The following GRIK2 variants were observed in gnomAD, a reference collection of about 807,000 sequenced individuals.
The protein encoded by GRIK2 is glutamate receptor ionotropic, kainate 2.
In GRIK2, 32 loss-of-function variants were observed where a neutral mutation model predicts 100.3. The observed-to-expected ratio is 0.32, with a 90% CI of 0.24 to 0.43. The LOEUF (loss-of-function observed/expected upper bound fraction) is 0.43. Among genes scored for constraint, GRIK2 ranks in the 20% least tolerant of loss-of-function variants. GRIK2 has a pLI of 1.00. For missense variants in GRIK2, 843 were observed against 1,114.9 expected, an observed-to-expected ratio of 0.76 and a Z score of 3.47; for synonymous variants, 417 against 389.4, an observed-to-expected ratio of 1.07 and a Z score of -0.83.
At chr6:101,791,854 AG>A (rs1390875759) in intron 7 of GRIK2, among the ~76,000 whole-genome samples, 1 of 151,518 alleles carries the variant, frequency 6.6e-6, no homozygotes, top group Admixed American at 6.6e-5. Context: ...GTCTCTTTTT[AG>A]GTCACTCAGG....
At chr6:101,836,661 A>T (rs13194520) in intron 10 of GRIK2, among the ~76,000 whole-genome samples, 34,837 of 59,004 alleles carry the variant, frequency 0.59, 13,176 homozygotes, top group Non-Finnish European at 0.74. Context: ...ATATATATAT[A>T]TTTTTTTTTT....
intron 7 of GRIK2, among the ~76,000 whole-genome samples, chr6:101,790,602 G>T (rs546190821): frequency 2.9e-4 from 41 of 141,176 alleles, no homozygotes; most frequent in South Asian, 1.2e-3. Flanking sequence ...TGCTGGATTC[G>T]GTTTGCCAGT....
At chr6:101,588,941 A>G (rs1778516184) in intron 2 of GRIK2, among the ~76,000 whole-genome samples, 1 of 152,158 alleles carries the variant, frequency 6.6e-6, no homozygotes, top group African/African-American at 2.4e-5. Context: ...AAATGGCACA[A>G]TGTAAGGTGG....
In GRIK2 at chr6:101,654,712, C is replaced by A. The variant is rs190964372; in HGVS notation, c.542-21911C>A. On this transcript the variant is annotated intron_variant, in intron 4 of 16. Coordinates refer to ENST00000369134, the MANE Select transcript of GRIK2 (RefSeq NM_021956.5). ...ACACTTCACCCGTGTCCCACCCACC[C>A]AAGATGTCAGGTACATCTCACAGCT... 2.2e-4 allele frequency among the ~76,000 whole-genome samples: 34 copies of A among 152,264 alleles called. No homozygotes were observed. The East Asian group carries it at 5.8e-3, about 26-fold the overall frequency.
rs1244055206 is a variant in GRIK2, at chr6:101,409,891, A to G, written c.115+10499A>G. ...TTGTATCTAACTTCTTAAACTGTGT[A>G]TATTTAAGAAAATCAGCTTTTCTAA... On this transcript the variant is annotated intron_variant, in intron 2 of 16. Coordinates refer to ENST00000369134, the MANE Select transcript of GRIK2 (RefSeq NM_021956.5). Among the ~76,000 whole-genome samples the G allele has an allele frequency of 3.3e-5, 5 of 152,084 alleles. No homozygotes were observed. The East Asian group carries it at 9.6e-4, about 29-fold the overall frequency.
At chr6:102,016,230 C>T (rs543452900) in intron 14 of GRIK2, among the ~76,000 whole-genome samples, 13 of 151,980 alleles carry the variant, frequency 8.6e-5, no homozygotes, top group Admixed American at 6.6e-4. Context: ...ACATTGAAAC[C>T]GAATATAAAG....
At chr6:102,005,225 CACAT>C (rs139978950) in intron 14 of GRIK2, among the ~76,000 whole-genome samples, 5,085 of 151,426 alleles carry the variant, frequency 0.034, 150 homozygotes, top group African/African-American at 0.07. Flanking sequence ...ACATAATACA[CACAT>C]ACAATCATAT....
intron 12 of GRIK2, among the ~76,000 whole-genome samples, chr6:101,908,193 A>C (rs1478202861): frequency 6.6e-6 from 1 of 151,566 alleles, no homozygotes; most frequent in Non-Finnish European, 1.5e-5. Context: ...TATAAATAAA[A>C]ATTTGAAGCT....
At chr6:101,690,755 C>A (rs1013670560) in intron 7 of GRIK2, among the ~76,000 whole-genome samples, 2 of 152,158 alleles carry the variant, frequency 1.3e-5, no homozygotes, top group Non-Finnish European at 2.9e-5. Flanking sequence ...TGTCACTCAT[C>A]ATGTATCACC....
chr6:101,927,506 G>A (rs1042225661), intron 13 of GRIK2, among the ~76,000 whole-genome samples: 1 of 152,010 alleles, frequency 6.6e-6, no homozygotes, highest in African/African-American at 2.4e-5. Context: ...ACTGATATAT[G>A]TTTATTTAAG....
intron 11 of GRIK2, among the ~76,000 whole-genome samples, chr6:101,867,663 AG>A (rs1403685284): frequency 1.3e-5 from 2 of 151,772 alleles, no homozygotes; most frequent in East Asian, 3.8e-4. Context: ...TTATTAAAAA[AG>A]GTATGTTAAG....
chr6:101,637,970 T>C (rs1269767243), intron 4 of GRIK2, among the ~76,000 whole-genome samples: 1 of 151,936 alleles, frequency 6.6e-6, no homozygotes, highest in Non-Finnish European at 1.5e-5. Context: ...TAAATATTTA[T>C]AAATTATTTC....
chr6:101,579,530 T>C (rs1291495745), intron 2 of GRIK2, among the ~76,000 whole-genome samples: 1 of 151,996 alleles, frequency 6.6e-6, no homozygotes, highest in Non-Finnish European at 1.5e-5. Context: ...ATGGCTGTCC[T>C]CACTTAGTCT....
intron 14 of GRIK2, among the ~76,000 whole-genome samples, chr6:102,008,794 G>C (rs1795373056): frequency 2.0e-5 from 3 of 151,924 alleles, no homozygotes; most frequent in Non-Finnish European, 4.4e-5. Context: ...AAAAATAATA[G>C]TTACTATACA....
chr6:101,790,027 G>T (rs1779727635), intron 7 of GRIK2, among the ~76,000 whole-genome samples: 1 of 152,162 alleles, frequency 6.6e-6, no homozygotes, highest in East Asian at 1.9e-4. Context: ...TGGTGTATAA[G>T]AATGCTTGTG....
chr6:101,692,156 T>G (rs973254834), intron 7 of GRIK2, among the ~76,000 whole-genome samples: 2 of 152,092 alleles, frequency 1.3e-5, no homozygotes, highest in African/African-American at 4.8e-5. Context: ...AAGCCCACCT[T>G]TGCTGCTATT....
At chr6:101,504,538 A>G (rs922669233) in intron 2 of GRIK2, among the ~76,000 whole-genome samples, 1 of 151,788 alleles carries the variant, frequency 6.6e-6, no homozygotes, top group Non-Finnish European at 1.5e-5. Context: ...AAGAACAACA[A>G]TATAAATTAT....
intron 4 of GRIK2, among the ~76,000 whole-genome samples, chr6:101,665,727 G>A (rs1769982973): frequency 6.6e-6 from 1 of 152,218 alleles, no homozygotes; most frequent in Non-Finnish European, 1.5e-5. Flanking sequence ...TATGTTAGAA[G>A]AGGTAAGAGT....
chr6:102,031,119 ACACACACACC>A (rs775087855), intron 14 of GRIK2, among the ~76,000 whole-genome samples: 4,645 of 129,612 alleles, frequency 0.036, 120 homozygotes, highest in Middle Eastern at 0.11. Flanking sequence ...ACACACACAC[ACACACACACC>A]CCCTTTGAGT....
Sources: allele counts gnomAD v4.1 joint callset (sites outside exome capture counted in the v4.1 genomes callset), GRCh38; gene constraint gnomAD v4.1.1; transcripts MANE v1.5; gene names NCBI Gene and HGNC (gene_info 2026-07-23, HGNC 2026-07-21).